KIAA1217: variants seen among roughly 807,000 people sequenced by gnomAD.
KIAA1217 encodes the protein KIAA1217, also known as sickle tail protein homolog.
A neutral mutation model predicts 163.9 loss-of-function variants in KIAA1217; 88 were observed. The ratio of observed to expected loss-of-function variants is 0.54; its 90% CI spans 0.45 to 0.64. The LOEUF (loss-of-function observed/expected upper bound fraction) is 0.64. Ranked by LOEUF, KIAA1217 falls within the 30% of genes least tolerant of loss-of-function variation. The pLI is 0.00. For synonymous variants in KIAA1217, 903 were observed against 923.1 expected (o/e 0.98, Z 0.39); for missense variants, 2,372 against 2,475.0 (o/e 0.96, Z 0.88).
chr10:24,261,482 C>T (rs2075715808), intron 2 of KIAA1217, among the ~76,000 whole-genome samples: 1 of 130,072 alleles, frequency 7.7e-6, no homozygotes, highest in Non-Finnish European at 1.6e-5. Context: ...GGTGGTAGAG[C>T]AAGACTCTGT....
At chr10:23,834,358 A>G (rs1055961873) in intron 1 of KIAA1217, among the ~76,000 whole-genome samples, 1 of 152,212 alleles carries the variant, frequency 6.6e-6, no homozygotes, top group African/African-American at 2.4e-5. Context: ...TATTTCAAAT[A>G]AAGGTGCAGC....
intron 3 of KIAA1217, among the ~76,000 whole-genome samples, chr10:24,429,089 C>T (rs960266636): frequency 6.6e-6 from 1 of 152,104 alleles, no homozygotes; most frequent in Non-Finnish European, 1.5e-5. Context: ...TTATAGAGAC[C>T]TGATGGTTTG....
chr10:24,426,305 A>C (rs2059161955), intron 3 of KIAA1217, among the ~76,000 whole-genome samples: 1 of 152,136 alleles, frequency 6.6e-6, no homozygotes, highest in African/African-American at 2.4e-5. Flanking sequence ...AACTGTATAC[A>C]ACAAACCATA....
chr10:23,851,293 T>C (rs1175196158), intron 1 of KIAA1217, among the ~76,000 whole-genome samples: 1 of 152,178 alleles, frequency 6.6e-6, no homozygotes, highest in Non-Finnish European at 1.5e-5. Flanking sequence ...GATAGTTTAC[T>C]GAGAATGATG....
chr10:24,315,229 A>C (rs1417048801), intron 2 of KIAA1217, among the ~76,000 whole-genome samples: 3 of 152,196 alleles, frequency 2.0e-5, no homozygotes, highest in Non-Finnish European at 4.4e-5. Context: ...ACCTGCAGAA[A>C]ATCAACGCTG....
chr10:23,948,675 T>A (rs986053876), intron 1 of KIAA1217, among the ~76,000 whole-genome samples: 1 of 151,532 alleles, frequency 6.6e-6, no homozygotes, highest in Non-Finnish European at 1.5e-5. Context: ...TTTGTTTGGT[T>A]TTGGTTTTTG....
Position 24,536,851 on chromosome 10 carries a change from A to G in KIAA1217, c.3492A>G (p.Lys1164=), listed in dbSNP as rs763484677. 30 of 1,614,028 alleles carry G rather than the reference A, an allele frequency of 1.9e-5. 1 individual carries two copies. In the South Asian group the frequency reaches 3.1e-4, roughly 17 times the overall value. ...AEPSRADSHV[K]DTRSGATVPP... is the part of the protein sequence containing the mutation. ...CATCCCGGGCTGACAGTCACGTTAA[A>G]GACACTAGGTCGGGCGCCACAGTGC... Residue 1164 remains lysine (K), a synonymous_variant, in exon 17 of 21, where the codon AAA becomes AAG. Transcript: ENST00000376454.
chr10:24,457,220 G>A (rs974284535), intron 5 of KIAA1217, among the ~76,000 whole-genome samples: 14 of 152,094 alleles, frequency 9.2e-5, no homozygotes, highest in African/African-American at 3.4e-4. Flanking sequence ...AAAAAGAGTT[G>A]GGGAGGTTGG....
chr10:23,902,401 G>A (rs1044667767), intron 1 of KIAA1217, among the ~76,000 whole-genome samples: 1 of 152,028 alleles, frequency 6.6e-6, no homozygotes, highest in African/African-American at 2.4e-5. Context: ...TCAGGGACAT[G>A]GAGCAAGAAG....
intron 1 of KIAA1217, among the ~76,000 whole-genome samples, chr10:23,865,439 G>GT (rs1840138777): frequency 6.6e-6 from 1 of 151,886 alleles, no homozygotes; most frequent in South Asian, 2.1e-4. Context: ...TATTTCTATT[G>GT]TTTTTTCTTA....
At chr10:24,511,469 C>A (rs1360143531) in intron 9 of KIAA1217, among the ~76,000 whole-genome samples, 1 of 151,938 alleles carries the variant, frequency 6.6e-6, no homozygotes, top group Non-Finnish European at 1.5e-5. Flanking sequence ...ATGGAGAAAC[C>A]CCATCTCTAC....
chr10:24,458,725 T>C (rs1430140395), intron 5 of KIAA1217, among the ~76,000 whole-genome samples: 2 of 152,226 alleles, frequency 1.3e-5, no homozygotes, highest in Admixed American at 1.3e-4. Context: ...TTGGAAAGCA[T>C]TGGTAAATAG....
In KIAA1217 at chr10:24,079,495, C is replaced by T. The variant is rs193261575; in HGVS notation, c.-171+72121C>T. On this transcript the variant is annotated intron_variant, in intron 2 of 18. Transcript: ENST00000376462. The stretch of plus-strand genomic sequence containing the variant: ...AATAAATGGGATAATGCCATCCACC[C>T]ATTAATGGTATTGTATTGCCATAAA... 2.0e-5 allele frequency among the ~76,000 whole-genome samples: 3 copies of T among 152,280 alleles called. No homozygotes were observed. In the East Asian group the frequency reaches 5.8e-4, roughly 29 times the overall value.
chr10:24,097,436 C>G (rs961940813), intron 2 of KIAA1217, among the ~76,000 whole-genome samples: 2 of 151,976 alleles, frequency 1.3e-5, no homozygotes, highest in African/African-American at 4.8e-5. Context: ...GCCTGTAGTC[C>G]CAGCTACTCA....
At chr10:24,343,268 C>G (rs941016023) in intron 2 of KIAA1217, among the ~76,000 whole-genome samples, 7 of 152,122 alleles carry the variant, frequency 4.6e-5, no homozygotes, top group African/African-American at 1.7e-4. Flanking sequence ...TATAAGAATG[C>G]TAGTTGATAG....
chr10:24,330,650 C>G (rs1295792406), intron 2 of KIAA1217, among the ~76,000 whole-genome samples: 1 of 152,032 alleles, frequency 6.6e-6, no homozygotes, highest in African/African-American at 2.4e-5. Flanking sequence ...GGGTCTAGCT[C>G]TGTCACCCAG....
intron 2 of KIAA1217, among the ~76,000 whole-genome samples, chr10:24,174,915 TG>T (rs2065799045): frequency 6.6e-6 from 1 of 152,112 alleles, no homozygotes; most frequent in African/African-American, 2.4e-5. Context: ...TGGAGTGCAG[TG>T]GCATGAGCTC....
At chr10:24,052,939 T>A (rs1253483810) in intron 2 of KIAA1217, among the ~76,000 whole-genome samples, 1 of 152,110 alleles carries the variant, frequency 6.6e-6, no homozygotes, top group Non-Finnish European at 1.5e-5. Flanking sequence ...TGGCCACATA[T>A]GGGTAGGAGA....
At chr10:23,749,880 AT>A (rs1344418960) in intron 1 of KIAA1217, among the ~76,000 whole-genome samples, 1 of 152,204 alleles carries the variant, frequency 6.6e-6, no homozygotes, top group Non-Finnish European at 1.5e-5. Flanking sequence ...AGGGACTAAT[AT>A]TGACTTCAAA....
Sources: gnomAD v4.1 joint callset for allele counts (sites outside exome capture counted in the v4.1 genomes callset) on GRCh38, gnomAD v4.1.1 for gene constraint, MANE v1.5 for transcripts, NCBI Gene and HGNC (gene_info 2026-07-23, HGNC 2026-07-21) for gene names.